Variants in ARSB observed in about 807,000 individuals in gnomAD.
ARSB encodes arylsulfatase B, also known as N-acetylgalactosamine-4-sulfatase.
A neutral mutation model predicts 50.9 loss-of-function variants in ARSB; 41 were observed. The observed-to-expected ratio is 0.81, with a 90% CI of 0.63 to 1.04. The LOEUF is 1.04. Among genes scored for constraint, ARSB ranks in the 50% least tolerant of loss-of-function variants. The pLI, the probability that ARSB is intolerant of heterozygous loss-of-function variation, is 0.00. For synonymous variants in ARSB, 269 were observed against 284.8 expected, an observed-to-expected ratio of 0.94 and a Z score of 0.56; for missense variants, 672 against 693.3, an observed-to-expected ratio of 0.97 and a Z score of 0.35.
chr5:78,940,908 A>G (rs1405554682), intron 4 of ARSB, among the ~76,000 whole-genome samples: 3 of 152,184 alleles, frequency 2.0e-5, no homozygotes, highest in Admixed American at 6.5e-5. Flanking sequence ...GATTCTTCCT[A>G]CCCATGAGCA....
rs896243234 is a variant in ARSB, at chr5:78,777,287, G to A, written c.*3110C>T. On this transcript the variant is annotated 3_prime_UTR_variant, in exon 8 of 8. Transcript: ENST00000264914. ...GATATAATTTATGTACTATAAAGTT[G>A]GTTGACACATTTAAAAATTGTAATA... is the stretch of plus-strand genomic sequence containing the variant. 2 of 152,042 alleles carry A rather than the reference G, an allele frequency of 1.3e-5. No individual in the cohort carries two copies. Among genetic ancestry groups the A allele is most frequent in the African/African-American group, 4.8e-5 (2 of 41,296 alleles). The allele number at this position is 152,042 out of a possible 1,614,324, so 9.4% of individuals were successfully genotyped here. A position where few individuals can be genotyped will look rare whatever the true frequency, so the allele number is the denominator to read the frequency against.
intron 4 of ARSB, among the ~76,000 whole-genome samples, chr5:78,898,995 G>A (rs754963030): frequency 3.3e-5 from 5 of 152,146 alleles, no homozygotes; most frequent in Non-Finnish European, 7.4e-5. Context: ...TGGATCTAGT[G>A]GTGGTGAATT....
intron 6 of ARSB, chr5:78,815,411 C>T: frequency 4.5e-6 from 2 of 445,030 alleles, no homozygotes; most frequent in South Asian, 1.9e-4. Flanking sequence ...CAGAAGAGAG[C>T]AGGCCACAAA....
intron 4 of ARSB, among the ~76,000 whole-genome samples, chr5:78,953,255 G>T (rs449839): frequency 0.28 from 43,205 of 152,128 alleles, 6,237 homozygotes; most frequent in Admixed American, 0.33. Flanking sequence ...ACACCATATG[G>T]AAAGCTCTGC....
intron 4 of ARSB, among the ~76,000 whole-genome samples, chr5:78,935,141 T>C (rs1187621619): frequency 6.6e-6 from 1 of 152,048 alleles, no homozygotes; most frequent in Non-Finnish European, 1.5e-5. Context: ...TCCAATAGCT[T>C]GCATAATAAA....
At chr5:78,837,646 T>G (rs1308461879) in intron 6 of ARSB, among the ~76,000 whole-genome samples, 1 of 152,236 alleles carries the variant, frequency 6.6e-6, no homozygotes, top group African/African-American at 2.4e-5. Context: ...TAATTCAATA[T>G]ATCCAAAGTA....
At position 78,780,659 on chromosome 5, in the gene ARSB, C is replaced by A. The variant is rs1465993279; in HGVS notation, c.1340G>T (p.Cys447Phe). ...NWKLLTGYPG[C>F]GYWFPPPSQY... ...AGACGGTGGAGGGAACCAGTAACCACAGCCTAGCAAAGAAAACAAAACAGT... is the reference window on the plus strand; with the variant it reads ...AGACGGTGGAGGGAACCAGTAACCAAAGCCTAGCAAAGAAAACAAAACAGT... Residue 447 changes from cysteine to phenylalanine, a missense_variant, in exon 8 of 8, where the codon TGT (cysteine) becomes TTT (phenylalanine). Cys to Phe is a radical substitution (Grantham distance 205, BLOSUM62 -2). Transcript: ENST00000264914. The A allele has an allele frequency of 6.2e-7, 1 of 1,614,074 alleles. No individual in the cohort carries two copies. Among genetic ancestry groups the A allele is most frequent in the Admixed American group, 1.7e-5 (1 of 59,994 alleles).
chr5:78,960,866 G>A (rs337829), intron 3 of ARSB, among the ~76,000 whole-genome samples: 35,095 of 152,044 alleles, frequency 0.23, 4,281 homozygotes, highest in Admixed American at 0.3. Flanking sequence ...CCCGGCTGAC[G>A]GGGGGCTGTT....
intron 1 of ARSB, among the ~76,000 whole-genome samples, chr5:78,970,365 T>C (rs914926642): frequency 3.3e-5 from 5 of 152,142 alleles, no homozygotes; most frequent in Non-Finnish European, 7.4e-5. Context: ...TTTTGAAAAA[T>C]AGAGCTTTTT....
At chr5:78,808,106 A>C (rs1405558034) in intron 6 of ARSB, among the ~76,000 whole-genome samples, 1 of 150,716 alleles carries the variant, frequency 6.6e-6, no homozygotes, top group Non-Finnish European at 1.5e-5. Context: ...AAAAAAAAAA[A>C]AAAAAAAAAA....
chr5:78,948,659 G>A (rs1364024154), intron 4 of ARSB, among the ~76,000 whole-genome samples: 1 of 152,130 alleles, frequency 6.6e-6, no homozygotes, highest in Non-Finnish European at 1.5e-5. Context: ...AGAAATAGGT[G>A]CATTTACCTG....
chr5:78,963,398 C>T (rs1230316841), intron 3 of ARSB, among the ~76,000 whole-genome samples: 1 of 152,172 alleles, frequency 6.6e-6, no homozygotes, highest in Non-Finnish European at 1.5e-5. Context: ...CAGACCTGCA[C>T]CAAGGACCTT....
intron 6 of ARSB, among the ~76,000 whole-genome samples, chr5:78,792,571 T>G (rs1384199353): frequency 6.6e-6 from 1 of 152,104 alleles, no homozygotes; most frequent in Non-Finnish European, 1.5e-5. Context: ...ATTTAACCAC[T>G]CTGAGTTCCT....
intron 5 of ARSB, among the ~76,000 whole-genome samples, chr5:78,855,388 G>C (rs538415064): frequency 1.9e-3 from 292 of 152,354 alleles, no homozygotes; most frequent in South Asian, 4.1e-3. Context: ...CACTGCTTCA[G>C]CTCTGGCCTG....
intron 6 of ARSB, among the ~76,000 whole-genome samples, chr5:78,796,650 T>G (rs978535392): frequency 6.6e-6 from 1 of 152,196 alleles, no homozygotes; most frequent in East Asian, 1.9e-4. Flanking sequence ...GGAGTCTCAT[T>G]TCTACCTGCC....
At chr5:78,903,741 A>G (rs1035590947) in intron 4 of ARSB, among the ~76,000 whole-genome samples, 2 of 152,228 alleles carry the variant, frequency 1.3e-5, no homozygotes, top group Admixed American at 1.3e-4. Flanking sequence ...ATGGAATCAA[A>G]TGGAAAATGA....
intron 5 of ARSB, among the ~76,000 whole-genome samples, chr5:78,853,870 G>A (rs144838546): frequency 0.018 from 2,669 of 152,334 alleles, 36 homozygotes; most frequent in Middle Eastern, 0.061. Context: ...AGCCAGGTGC[G>A]GGATATAATC....
chr5:78,853,771 C>T (rs2112064113), intron 5 of ARSB, among the ~76,000 whole-genome samples: 1 of 152,348 alleles, frequency 6.6e-6, no homozygotes, highest in East Asian at 1.9e-4. Flanking sequence ...TGGTGGGTGC[C>T]CCTCCCCCAG....
At chr5:78,811,464 T>A (rs1414193817) in intron 6 of ARSB, among the ~76,000 whole-genome samples, 1 of 152,186 alleles carries the variant, frequency 6.6e-6, no homozygotes, top group Non-Finnish European at 1.5e-5. Context: ...AAAGAGTTAA[T>A]TCAGCTCTGA....
Sources: gnomAD v4.1 joint callset for allele counts (sites outside exome capture counted in the v4.1 genomes callset) on GRCh38, gnomAD v4.1.1 for gene constraint, MANE v1.5 for transcripts, NCBI Gene and HGNC (gene_info 2026-07-23, HGNC 2026-07-21) for gene names.